The following PHACTR1 variants were observed in gnomAD, a reference collection of about 807,000 sequenced individuals.
PHACTR1 encodes the protein RPEL repeat containing 1.
In PHACTR1, 16 loss-of-function variants were observed where a neutral mutation model predicts 69.2. That is an observed-to-expected ratio of 0.23 (90% CI 0.16 to 0.35). The LOEUF (loss-of-function observed/expected upper bound fraction) is 0.35. Ranked by LOEUF, PHACTR1 falls within the 10% of genes least tolerant of loss-of-function variation. The probability of loss-of-function intolerance (pLI) is 1.00; values close to 1 mark genes in which losing one functional copy is unlikely to be tolerated. For missense variants in PHACTR1, 510 were observed against 734.7 expected (o/e 0.69, Z 3.54); for synonymous variants, 312 against 284.5 (o/e 1.10, Z -0.97).
At chr6:13,181,348 A>G (rs929169606) in intron 6 of PHACTR1, among the ~76,000 whole-genome samples, 1 of 152,208 alleles carries the variant, frequency 6.6e-6, no homozygotes, top group African/African-American at 2.4e-5. Context: ...ACGAGTTGTC[A>G]TCTTGCTTCT....
chr6:13,025,074 A>C (rs1561708396), intron 4 of PHACTR1, among the ~76,000 whole-genome samples: 5 of 152,154 alleles, frequency 3.3e-5, no homozygotes, highest in Admixed American at 3.3e-4. Context: ...TGGGCAACAT[A>C]GTGAGACACC....
At chr6:12,993,165 T>C (rs2127609680) in intron 4 of PHACTR1, among the ~76,000 whole-genome samples, 1 of 152,262 alleles carries the variant, frequency 6.6e-6, no homozygotes, top group East Asian at 1.9e-4. Flanking sequence ...AGAAAAGAAA[T>C]GATTTTGGGG....
At chr6:13,071,471 T>C (rs1809515281) in intron 5 of PHACTR1, among the ~76,000 whole-genome samples, 1 of 151,944 alleles carries the variant, frequency 6.6e-6, no homozygotes, top group Admixed American at 6.6e-5. Flanking sequence ...CATTGCGTGG[T>C]ATTCTGACCT....
intron 4 of PHACTR1, among the ~76,000 whole-genome samples, chr6:13,027,435 G>T (rs773805340): frequency 6.6e-6 from 1 of 152,176 alleles, no homozygotes; most frequent in African/African-American, 2.4e-5. Flanking sequence ...GCTAGTCCTC[G>T]GGTCCATGTT....
At chr6:12,920,288 C>T (rs1035015708) in intron 4 of PHACTR1, among the ~76,000 whole-genome samples, 3 of 152,194 alleles carry the variant, frequency 2.0e-5, no homozygotes, top group African/African-American at 7.2e-5. Flanking sequence ...GTGTTTTAGA[C>T]TCATAAACCT....
At chr6:12,864,505 C>T (rs913189224) in intron 4 of PHACTR1, among the ~76,000 whole-genome samples, 3 of 152,160 alleles carry the variant, frequency 2.0e-5, no homozygotes, top group Middle Eastern at 6.8e-3. Context: ...ACGCTGAAAC[C>T]CCTTCTCTAC....
At chr6:12,762,687 G>A (rs1007274751) in intron 4 of PHACTR1, among the ~76,000 whole-genome samples, 1 of 152,106 alleles carries the variant, frequency 6.6e-6, no homozygotes, top group Non-Finnish European at 1.5e-5. Flanking sequence ...TCCTCCCTGT[G>A]CCATGAAGCA....
chr6:12,998,207 A>C (rs752123586), intron 4 of PHACTR1, among the ~76,000 whole-genome samples: 25 of 152,232 alleles, frequency 1.6e-4, no homozygotes, highest in Non-Finnish European at 3.7e-4. Flanking sequence ...CATCATATAT[A>C]AAAACAAATT....
intron 6 of PHACTR1, among the ~76,000 whole-genome samples, chr6:13,181,212 C>G (rs900797067): frequency 7.3e-5 from 11 of 151,426 alleles, no homozygotes; most frequent in African/African-American, 2.7e-4. Context: ...GGGGGTGGGC[C>G]AAGGAGGGAT....
rs994224087 is a variant in PHACTR1 at position 13,270,584 on chromosome 6, G to A, written c.1392-2276G>A. Reference sequence around the variant, plus strand: ...TTTAGGTGCTCTGTGATAGGAACTGGGTCAAAGATAAATATGTTTTATATT... The same window carrying A: ...TTTAGGTGCTCTGTGATAGGAACTGAGTCAAAGATAAATATGTTTTATATT... On this transcript the variant is annotated intron_variant, in intron 10 of 14. Coordinates refer to ENST00000332995, the MANE Select transcript of PHACTR1 (RefSeq NM_030948.6). Among the ~76,000 whole-genome samples, 5 of 152,070 alleles carry A rather than the reference G, an allele frequency of 3.3e-5. No homozygotes were observed. In the East Asian group the frequency reaches 9.6e-4, roughly 29 times the overall value.
rs1013593694 is a variant in PHACTR1 at position 12,854,760 on chromosome 6, A to T, written c.250+104970A>T. 2.0e-5 allele frequency among the ~76,000 whole-genome samples: 3 copies of T among 152,190 alleles called. No individual in the cohort carries two copies. In the East Asian group the frequency reaches 5.8e-4, roughly 29 times the overall value. ...AACAAACACTTCTCAAAAGACATAG[A>T]AGAGACCAAGAAACATATGAAACAA... On this transcript the variant is annotated intron_variant, in intron 4 of 14. Transcript: ENST00000332995.
At chr6:13,287,026 AG>A (rs1781824157) in intron 14 of PHACTR1, 36 bp from the exon 15 acceptor site, 4 of 1,602,850 alleles carry the variant, frequency 2.5e-6, no homozygotes, top group Non-Finnish European at 2.6e-6. Context: ...CACCTTTGGC[AG>A]CCCCTTGGTC....
At chr6:13,124,998 A>C (rs1188357083) in intron 5 of PHACTR1, among the ~76,000 whole-genome samples, 1 of 152,194 alleles carries the variant, frequency 6.6e-6, no homozygotes, top group African/African-American at 2.4e-5. Flanking sequence ...TGAACACAGA[A>C]CTTTGTCTCC....
chr6:12,868,421 A>G (rs1781688475), intron 4 of PHACTR1, among the ~76,000 whole-genome samples: 1 of 152,164 alleles, frequency 6.6e-6, no homozygotes, highest in Non-Finnish European at 1.5e-5. Flanking sequence ...TGGCATGAAA[A>G]TACATATTCT....
chr6:12,814,488 A>G (rs1405719017), intron 4 of PHACTR1, among the ~76,000 whole-genome samples: 1 of 152,228 alleles, frequency 6.6e-6, no homozygotes, highest in Non-Finnish European at 1.5e-5. Flanking sequence ...AGCGCACTGA[A>G]TTGGGAGCTA....
chr6:13,282,964 A>C (rs1395499410), intron 12 of PHACTR1, among the ~76,000 whole-genome samples: 4 of 152,174 alleles, frequency 2.6e-5, no homozygotes, highest in Admixed American at 1.3e-4. Flanking sequence ...TTGAAGTCCT[A>C]ATCTTTATAT....
chr6:12,998,940 T>C (rs921831444), intron 4 of PHACTR1, among the ~76,000 whole-genome samples: 1 of 152,044 alleles, frequency 6.6e-6, no homozygotes, highest in African/African-American at 2.4e-5. Context: ...AAAACCCAAA[T>C]GAAATAATGG....
chr6:12,846,806 T>A (rs1386884895), intron 4 of PHACTR1, among the ~76,000 whole-genome samples: 1 of 151,276 alleles, frequency 6.6e-6, no homozygotes, highest in African/African-American at 2.4e-5. Context: ...TGCTTTTTAT[T>A]TTTATTTTTA....
chr6:12,728,912 CA>C (rs1471299652), intron 3 of PHACTR1, among the ~76,000 whole-genome samples: 1 of 152,124 alleles, frequency 6.6e-6, no homozygotes, highest in Admixed American at 6.5e-5. Context: ...GGCTAGATGG[CA>C]CTCAGCTACA....
Sources: gnomAD v4.1 joint callset for allele counts (sites outside exome capture counted in the v4.1 genomes callset) on GRCh38, gnomAD v4.1.1 for gene constraint, MANE v1.5 for transcripts, NCBI Gene and HGNC (gene_info 2026-07-23, HGNC 2026-07-21) for gene names.